Variants in SLC24A2 observed in about 807,000 individuals in gnomAD.
The protein encoded by SLC24A2 is solute carrier family 24 member 2, also known as sodium/potassium/calcium exchanger 2.
In SLC24A2, 36 loss-of-function variants were observed where a neutral mutation model predicts 62.0. The observed-to-expected ratio is 0.58, with a 90% CI of 0.44 to 0.77. The LOEUF is 0.77. Among genes scored for constraint, SLC24A2 ranks in the 30% least tolerant of loss-of-function variants. The pLI is 0.00. For missense variants in SLC24A2, 846 were observed against 817.9 expected (o/e 1.03, Z -0.42); for synonymous variants, 358 against 294.0 (o/e 1.22, Z -2.23).
chr9:20,273,474 G>T, the SLC24A2 span, among the ~76,000 whole-genome samples: 1 of 152,194 alleles, frequency 6.6e-6, no homozygotes. Flanking sequence ...AACCCTGTGG[G>T]AGATGATTGA....
At position 19,719,754 on chromosome 9, in the gene SLC24A2, G is replaced by C. The variant is rs1820969432; in HGVS notation, c.930+66183C>G. Among the ~76,000 whole-genome samples the C allele has an allele frequency of 2.0e-5, 3 of 152,326 alleles. No individual in the cohort carries two copies. In the South Asian group the frequency reaches 6.2e-4, roughly 32 times the overall value. On this transcript the variant is annotated intron_variant, in intron 2 of 10. Transcript: ENST00000341998. ...TAGACAAACTTCATATAACTACCTA[G>C]ATGTCTGAGAAGGTTTTTATCTCAT...
the SLC24A2 span, among the ~76,000 whole-genome samples, chr9:19,842,266 G>A: frequency 6.6e-6 from 1 of 152,230 alleles, no homozygotes; most frequent in East Asian, 1.9e-4. Flanking sequence ...TAAACTAATT[G>A]TCTACAAAAG....
At chr9:19,900,729 G>T in the SLC24A2 span, among the ~76,000 whole-genome samples, 1 of 152,192 alleles carries the variant, frequency 6.6e-6, no homozygotes, top group Non-Finnish European at 1.5e-5. Flanking sequence ...AAGGAAAGTA[G>T]TTCTATCATG....
At chr9:19,637,399 GTTGCCCGACTGTGTTTGTTCTAACTA>G (rs1266007397) in intron 2 of SLC24A2, among the ~76,000 whole-genome samples, 1 of 152,188 alleles carries the variant, frequency 6.6e-6, no homozygotes, top group Admixed American at 6.5e-5. Context: ...TTTTCTAACT[GTTGCCCGACTGTGTTTGTTCTAACTA>G]TTGCCCCTCT....
At chr9:19,962,477 G>C in the SLC24A2 span, among the ~76,000 whole-genome samples, 1 of 152,100 alleles carries the variant, frequency 6.6e-6, no homozygotes, top group African/African-American at 2.4e-5. Context: ...TCACAATATT[G>C]ATTCTTCCTA....
chr9:19,923,979 T>C, the SLC24A2 span, among the ~76,000 whole-genome samples: 1 of 152,156 alleles, frequency 6.6e-6, no homozygotes, highest in African/African-American at 2.4e-5. Context: ...CTTCAGGTGG[T>C]ACACCTGCCT....
chr9:19,993,908 A>T, the SLC24A2 span, among the ~76,000 whole-genome samples: 1 of 152,222 alleles, frequency 6.6e-6, no homozygotes, highest in Non-Finnish European at 1.5e-5. Flanking sequence ...CAGGAAGAGA[A>T]GGAGAAACAC....
intron 2 of SLC24A2, among the ~76,000 whole-genome samples, chr9:19,731,472 A>G (rs1821331246): frequency 6.6e-6 from 1 of 151,760 alleles, no homozygotes. Context: ...TGTCCCTATA[A>G]AAAGAGACAC....
At chr9:20,088,445 T>C in the SLC24A2 span, among the ~76,000 whole-genome samples, 49 of 152,282 alleles carry the variant, frequency 3.2e-4, no homozygotes, top group African/African-American at 1.1e-3. Context: ...GGCCAGACTA[T>C]TTTTTTATGT....
At chr9:20,174,150 A>G in the SLC24A2 span, among the ~76,000 whole-genome samples, 3 of 152,110 alleles carry the variant, frequency 2.0e-5, no homozygotes, top group Admixed American at 6.6e-5. Context: ...AGCCACATGT[A>G]GGAGAATGAA....
chr9:20,289,240 A>G, the SLC24A2 span, among the ~76,000 whole-genome samples: 5 of 152,156 alleles, frequency 3.3e-5, no homozygotes, highest in African/African-American at 1.2e-4. Flanking sequence ...CTTAGCAATA[A>G]CCACAGAAAC....
At chr9:20,237,677 G>A in the SLC24A2 span, among the ~76,000 whole-genome samples, 1 of 152,146 alleles carries the variant, frequency 6.6e-6, no homozygotes, top group African/African-American at 2.4e-5. Flanking sequence ...GAAGCACTCC[G>A]ATTTTTTTTT....
At chr9:19,846,438 A>G in the SLC24A2 span, among the ~76,000 whole-genome samples, 1 of 152,142 alleles carries the variant, frequency 6.6e-6, no homozygotes, top group East Asian at 1.9e-4. Context: ...TTCCATTTGC[A>G]AGATAGACTT....
At chr9:19,791,592 A>G (rs539279701), upstream of SLC24A2, among the ~76,000 whole-genome samples, 124 of 152,346 alleles carry the variant, frequency 8.1e-4, no homozygotes, top group African/African-American at 2.8e-3. Context: ...AGAAGGCTAC[A>G]ACTTCCATCC....
chr9:20,075,924 G>C, the SLC24A2 span, among the ~76,000 whole-genome samples: 2 of 152,058 alleles, frequency 1.3e-5, no homozygotes, highest in Non-Finnish European at 2.9e-5. Context: ...AAATGGTGTC[G>C]TATTTGCATA....
rs931554059 is a variant in SLC24A2 at position 19,511,930 on chromosome 9, T to G, written c.*4223A>C. 11 of 152,314 alleles carry G rather than the reference T, an allele frequency of 7.2e-5. No individual in the cohort carries two copies. The highest frequency in any genetic ancestry group is 1.2e-4 in the Non-Finnish European group (8 of 68,098). 9.4% of individuals were successfully genotyped at this position (152,314 alleles called of 1,614,324 possible). ...GGGAGGAAAGCACACTGCCATGTTCTGAAATGCCTGCCATCAGACCCATGT... is the reference window on the plus strand; with the variant it reads ...GGGAGGAAAGCACACTGCCATGTTCGGAAATGCCTGCCATCAGACCCATGT... On this transcript the variant is annotated 3_prime_UTR_variant, in exon 11 of 11. Transcript: ENST00000341998.
intron 4 of SLC24A2, among the ~76,000 whole-genome samples, chr9:19,603,014 A>G (rs150339589): frequency 6.6e-6 from 1 of 152,314 alleles, no homozygotes; most frequent in Admixed American, 6.5e-5. Flanking sequence ...GAAGGGAAAA[A>G]ATAATATTAA....
At chr9:19,765,253 T>A (rs1822475572) in intron 2 of SLC24A2, among the ~76,000 whole-genome samples, 1 of 152,202 alleles carries the variant, frequency 6.6e-6, no homozygotes, top group Non-Finnish European at 1.5e-5. Context: ...TTTATCCAAT[T>A]TGCCAGTCTG....
chr9:20,104,513 C>G, the SLC24A2 span, among the ~76,000 whole-genome samples: 1 of 152,218 alleles, frequency 6.6e-6, no homozygotes, highest in African/African-American at 2.4e-5. Flanking sequence ...AGCAGAAACG[C>G]TACAAGCCAG....
Sources: gnomAD v4.1 joint callset for allele counts (sites outside exome capture counted in the v4.1 genomes callset) on GRCh38, gnomAD v4.1.1 for gene constraint, MANE v1.5 for transcripts, NCBI Gene and HGNC (gene_info 2026-07-23, HGNC 2026-07-21) for gene names.